The following DCDC2 variants were observed in gnomAD, a reference collection of about 807,000 sequenced individuals.
The protein encoded by DCDC2 is doublecortin domain containing 2.
DCDC2 carries 40 observed loss-of-function variants against 50.2 expected under a neutral mutation model. The ratio of observed to expected loss-of-function variants is 0.80; its 90% CI spans 0.62 to 1.04. The LOEUF (loss-of-function observed/expected upper bound fraction) is 1.04, where lower values mean the gene tolerates loss of function less well. Ranked by LOEUF, DCDC2 falls within the 50% of genes least tolerant of loss-of-function variation. The pLI is 0.00. For missense variants in DCDC2, 570 were observed against 581.9 expected (o/e 0.98, Z 0.21); for synonymous variants, 234 against 210.6 (o/e 1.11, Z -0.96).
intron 2 of DCDC2, among the ~76,000 whole-genome samples, chr6:24,323,651 C>G (rs931940933): frequency 4.6e-5 from 7 of 152,076 alleles, no homozygotes; most frequent in African/African-American, 1.7e-4. Flanking sequence ...AGACCTCTCC[C>G]TGTCTTCATC....
chr6:24,293,388 G>A (rs1031280825), intron 4 of DCDC2, among the ~76,000 whole-genome samples: 4 of 152,052 alleles, frequency 2.6e-5, no homozygotes, highest in African/African-American at 4.8e-5. Context: ...CATAGGGAGG[G>A]GCCAACCATA....
At chr6:24,279,532 G>T (rs773336893) in intron 6 of DCDC2, among the ~76,000 whole-genome samples, 1 of 152,146 alleles carries the variant, frequency 6.6e-6, no homozygotes, top group Non-Finnish European at 1.5e-5. Context: ...AGTGTGCTGT[G>T]ATCACACCAC....
intron 6 of DCDC2, among the ~76,000 whole-genome samples, chr6:24,285,324 G>A (rs1462835328): frequency 1.3e-5 from 2 of 152,170 alleles, no homozygotes; most frequent in Non-Finnish European, 1.5e-5. Context: ...CCTTATAACT[G>A]AGTCTTTGCT....
chr6:24,311,058 AGACCCAAACATGT>A (rs1410481719), intron 2 of DCDC2, among the ~76,000 whole-genome samples: 3 of 152,342 alleles, frequency 2.0e-5, no homozygotes, highest in South Asian at 4.1e-4. Context: ...CCTGAAGCAC[AGACCCAAACATGT>A]GATGTCTCTC....
At chr6:24,251,331 C>G (rs1033775727) in intron 7 of DCDC2, among the ~76,000 whole-genome samples, 1 of 152,148 alleles carries the variant, frequency 6.6e-6, no homozygotes, top group African/African-American at 2.4e-5. Context: ...GGTTTGAGAG[C>G]TTGCTGTGCT....
chr6:24,233,389 C>T (rs1359267677), intron 7 of DCDC2, among the ~76,000 whole-genome samples: 6 of 152,216 alleles, frequency 3.9e-5, no homozygotes, highest in African/African-American at 1.4e-4. Context: ...CAACACTTAT[C>T]ATCTGTACTA....
chr6:24,351,923 C>A (rs865836509), intron 2 of DCDC2, among the ~76,000 whole-genome samples: 2 of 152,066 alleles, frequency 1.3e-5, no homozygotes, highest in African/African-American at 4.8e-5. Flanking sequence ...GACCAACATG[C>A]TGAAACCCCG....
chr6:24,294,452 A>G (rs1266744356), intron 4 of DCDC2, among the ~76,000 whole-genome samples: 3 of 152,212 alleles, frequency 2.0e-5, no homozygotes, highest in Admixed American at 2.0e-4. Context: ...CTAGCAGAAG[A>G]CAAGAAATAA....
chr6:24,350,612 A>G (rs1315618448), intron 2 of DCDC2, among the ~76,000 whole-genome samples: 1 of 152,162 alleles, frequency 6.6e-6, no homozygotes, highest in East Asian at 1.9e-4. Context: ...TATTTTACTC[A>G]TCCCTCATAA....
At position 24,316,992 on chromosome 6, in the gene DCDC2, T is replaced by TAGAG. The variant is rs71789198; in HGVS notation, c.349-14952_349-14949dup. ...ACATATGTGTATATACATATATATG[T>TAGAG]AGAGAGAGAGAGAGAGAGACAAATT... On this transcript the variant is annotated intron_variant, in intron 2 of 9. Transcript: ENST00000378454. 2.0e-3 allele frequency among the ~76,000 whole-genome samples: 296 copies of TAGAG among 149,316 alleles called. 2 individuals carry two copies. Among genetic ancestry groups the TAGAG allele is most frequent in the Admixed American group, 0.016 (241 of 14,970 alleles).
chr6:24,250,106 C>T (rs1581611313), intron 7 of DCDC2, among the ~76,000 whole-genome samples: 3 of 152,142 alleles, frequency 2.0e-5, no homozygotes, highest in African/African-American at 7.2e-5. Context: ...CGGCAGCCTC[C>T]CTCCCCCATC....
intron 6 of DCDC2, among the ~76,000 whole-genome samples, chr6:24,284,106 TC>T (rs1763539569): frequency 6.6e-6 from 1 of 152,202 alleles, no homozygotes; most frequent in Admixed American, 6.5e-5. Context: ...TCCCAGGACA[TC>T]ATATGAACTC....
chr6:24,174,685 C>A lies in DCDC2; in HGVS notation c.*45G>T. 2.3e-6 allele frequency: 3 copies of A among 1,321,830 alleles called. No homozygotes were observed. The highest frequency in any genetic ancestry group is 2.2e-6 in the Non-Finnish European group (2 of 919,230). 81.9% of individuals were successfully genotyped at this position (1,321,830 alleles called of 1,614,324 possible). A position where few individuals can be genotyped will look rare whatever the true frequency, so the allele number is the denominator to read the frequency against. The stretch of plus-strand genomic sequence containing the variant: ...GTGCTTATCTTTCAAGTATGATAAC[C>A]CTTCATTTTTCTTGCGATCCATATA... On this transcript the variant is annotated 3_prime_UTR_variant, in exon 10 of 10. Transcript: ENST00000378454.
At chr6:24,186,390 C>T (rs1212814648) in intron 8 of DCDC2, among the ~76,000 whole-genome samples, 1 of 152,150 alleles carries the variant, frequency 6.6e-6, no homozygotes, top group Non-Finnish European at 1.5e-5. Flanking sequence ...GGAAATTGAG[C>T]CAGAGACATA....
chr6:24,333,758 C>A (rs1013720855), intron 2 of DCDC2, among the ~76,000 whole-genome samples: 19 of 152,042 alleles, frequency 1.2e-4, no homozygotes, highest in African/African-American at 4.3e-4. Context: ...AAATATAAAA[C>A]AGAATGCAAA....
chr6:24,335,870 T>C (rs532862879), intron 2 of DCDC2, among the ~76,000 whole-genome samples: 23 of 152,134 alleles, frequency 1.5e-4, no homozygotes, highest in Admixed American at 3.3e-4. Flanking sequence ...TCCAATCACC[T>C]CCTACCTGGT....
chr6:24,376,737 CAAA>C, the DCDC2 span, among the ~76,000 whole-genome samples: 1 of 46,768 alleles, frequency 2.1e-5, no homozygotes, highest in African/African-American at 9.9e-5. Context: ...CAGGTATATG[CAAA>C]AAAAAAAAAA....
At chr6:24,267,434 C>CTT (rs1314289285) in intron 7 of DCDC2, among the ~76,000 whole-genome samples, 2 of 152,162 alleles carry the variant, frequency 1.3e-5, no homozygotes, top group Non-Finnish European at 2.9e-5. Context: ...TATATACCTA[C>CTT]TATGTGCCCA....
intron 7 of DCDC2, among the ~76,000 whole-genome samples, chr6:24,238,507 C>T (rs1223782279): frequency 1.3e-5 from 2 of 151,804 alleles, no homozygotes; most frequent in African/African-American, 4.8e-5. Flanking sequence ...CCATGTTGGC[C>T]AGGCTGGTCT....
Sources: allele counts gnomAD v4.1 joint callset (sites outside exome capture counted in the v4.1 genomes callset), GRCh38; gene constraint gnomAD v4.1.1; transcripts MANE v1.5; gene names NCBI Gene and HGNC (gene_info 2026-07-23, HGNC 2026-07-21).